UGCG: variants seen among roughly 807,000 people sequenced by gnomAD.
UGCG encodes ceramide glucosyltransferase.
In UGCG, 10 loss-of-function variants were observed where a neutral mutation model predicts 49.5. That is an observed-to-expected ratio of 0.20 (90% confidence interval 0.12 to 0.34). UGCG has a LOEUF of 0.34. UGCG is among the 10% of genes least tolerant of loss of function. The pLI is 1.00. For synonymous variants in UGCG, 182 were observed against 158.2 expected (o/e 1.15, Z -1.13); for missense variants, 312 against 483.7 (o/e 0.65, Z 3.33).
rs1838491972 is a variant in UGCG at position 111,934,905 on chromosome 9, A to T, written c.*1908A>T. The T allele has an allele frequency of 6.6e-6, 1 of 152,168 alleles. No homozygotes were observed. 9.4% of individuals were successfully genotyped at this position (152,168 alleles called of 1,614,324 possible). A position where few individuals can be genotyped will look rare whatever the true frequency, so the allele number is the denominator to read the frequency against. ...TTTTGTTTTTAATCACTATTACCTG[A>T]GTTGAACTTTGCTCACCATGTTTGT... On this transcript the variant is annotated 3_prime_UTR_variant, in exon 9 of 9. Coordinates refer to ENST00000374279, the MANE Select transcript of UGCG (RefSeq NM_003358.3).
At chr9:111,921,513 C>T (rs973758575) in intron 2 of UGCG, among the ~76,000 whole-genome samples, 7 of 151,916 alleles carry the variant, frequency 4.6e-5, no homozygotes, top group African/African-American at 1.7e-4. Flanking sequence ...GACATGGTGG[C>T]GGGCATCTGT....
In UGCG at chr9:111,934,791, G is replaced by C. The variant is rs1231291334; in HGVS notation, c.*1794G>C. On this transcript the variant is annotated 3_prime_UTR_variant, in exon 9 of 9. Coordinates refer to ENST00000374279, the MANE Select transcript of UGCG (RefSeq NM_003358.3). The stretch of plus-strand genomic sequence containing the variant: ...CATTTTCTTTATGAACAAAGGCTTG[G>C]ATGCATATTCCTTTCTTTCTGTGAA... The C allele has an allele frequency of 3.3e-5, 5 of 151,044 alleles. No homozygotes were observed. The allele number at this position is 151,044 out of a possible 1,614,324, so 9.4% of individuals were successfully genotyped here. A position where few individuals can be genotyped will look rare whatever the true frequency, so the allele number is the denominator to read the frequency against.
Position 111,926,367 on chromosome 9 carries a change from T to C in UGCG, c.446-17T>C. 4 of 1,546,612 alleles carry C rather than the reference T, an allele frequency of 2.6e-6. No homozygotes were observed. Among genetic ancestry groups the C allele is most frequent in the Non-Finnish European group, 3.5e-6 (4 of 1,137,050 alleles). The stretch of plus-strand genomic sequence containing the variant: ...ATTTTCTTTTCTCCCCCTCTCTGCC[T>C]TTTTTTTAAATTGTAGTAATTCCAG... On this transcript the variant is annotated splice_polypyrimidine_tract_variant and intron_variant, in intron 4 of 8. Coordinates refer to ENST00000374279, the MANE Select transcript of UGCG (RefSeq NM_003358.3).
intron 1 of UGCG, among the ~76,000 whole-genome samples, chr9:111,906,006 C>G (rs868162818): frequency 1.3e-5 from 2 of 152,124 alleles, no homozygotes; most frequent in South Asian, 2.1e-4. Flanking sequence ...AATTTATATT[C>G]TACTGTAGTG....
In UGCG at chr9:111,934,654, T is replaced by C. The variant is rs1246792075; in HGVS notation, c.*1657T>C. 1 of 152,190 alleles carries C rather than the reference T, an allele frequency of 6.6e-6. No individual in the cohort carries two copies. Among genetic ancestry groups the C allele is most frequent in the Non-Finnish European group, 1.5e-5 (1 of 68,028 alleles). 9.4% of individuals were successfully genotyped at this position (152,190 alleles called of 1,614,324 possible). A position where few individuals can be genotyped will look rare whatever the true frequency, so the allele number is the denominator to read the frequency against. The stretch of plus-strand genomic sequence containing the variant: ...TATCCATGGTTTAAATGGCAACATA[T>C]CTATAAGTATGTATACACATTATAT... On this transcript the variant is annotated 3_prime_UTR_variant, in exon 9 of 9. Transcript: ENST00000374279.
chr9:111,934,690 C>T lies in UGCG; in HGVS notation c.*1693C>T, dbSNP rs1838485722. On this transcript the variant is annotated 3_prime_UTR_variant, in exon 9 of 9. Coordinates refer to ENST00000374279, the MANE Select transcript of UGCG (RefSeq NM_003358.3). ...GTATACACATTATATTTAAGCTTTTCTCTGGGCCAAACTGCTTCATCCTTT... is the reference window on the plus strand; with the variant it reads ...GTATACACATTATATTTAAGCTTTTTTCTGGGCCAAACTGCTTCATCCTTT... 1 of 150,520 alleles carries T rather than the reference C, an allele frequency of 6.6e-6. No homozygotes were observed. The highest frequency in any genetic ancestry group is 1.5e-5 in the Non-Finnish European group (1 of 67,792). The allele number at this position is 150,520 out of a possible 1,614,324, so 9.3% of individuals were successfully genotyped here.
At chr9:111,897,373 G>C (rs1202443884) in intron 1 of UGCG, 60 bp downstream of exon 1, 2 of 1,402,144 alleles carry the variant, frequency 1.4e-6, no homozygotes, top group Non-Finnish European at 2.0e-6. Flanking sequence ...AGACAGGCGA[G>C]AATGGGAAAC....
At chr9:111,904,839 G>A (rs1455526051) in intron 1 of UGCG, among the ~76,000 whole-genome samples, 1 of 152,122 alleles carries the variant, frequency 6.6e-6, no homozygotes, top group Admixed American at 6.5e-5. Flanking sequence ...TCCAGCCTGG[G>A]CAACAAGAGC....
intron 1 of UGCG, among the ~76,000 whole-genome samples, chr9:111,905,302 T>A (rs1837860211): frequency 6.6e-6 from 1 of 152,222 alleles, no homozygotes; most frequent in Non-Finnish European, 1.5e-5. Flanking sequence ...TTACCATTCT[T>A]ACCTTGGTCT....
intron 2 of UGCG, among the ~76,000 whole-genome samples, chr9:111,916,764 C>G (rs1838119191): frequency 6.6e-6 from 1 of 151,652 alleles, no homozygotes; most frequent in South Asian, 2.1e-4. Flanking sequence ...CCATGCCCTA[C>G]TGAAAGAATT....
Position 111,900,269 on chromosome 9 carries a change from G to T in UGCG, c.98+2956G>T, listed in dbSNP as rs550912179. On this transcript the variant is annotated intron_variant, in intron 1 of 8. Coordinates refer to ENST00000374279, the MANE Select transcript of UGCG (RefSeq NM_003358.3). ...GCTGCGTGATGAAGTGATCTAAGCAGAAACCTTGCTTCATGCTCTCTTCCC... is the reference window on the plus strand; with the variant it reads ...GCTGCGTGATGAAGTGATCTAAGCATAAACCTTGCTTCATGCTCTCTTCCC... Among the ~76,000 whole-genome samples the T allele has an allele frequency of 3.5e-4, 53 of 152,214 alleles. 2 individuals carry two copies. The highest frequency in any genetic ancestry group is 2.1e-3 in the South Asian group (10 of 4,820).
At chr9:111,900,278 C>T (rs1837742351) in intron 1 of UGCG, among the ~76,000 whole-genome samples, 1 of 152,016 alleles carries the variant, frequency 6.6e-6, no homozygotes, top group African/African-American at 2.4e-5. Context: ...AGAAACCTTG[C>T]TTCATGCTCT....
intron 1 of UGCG, among the ~76,000 whole-genome samples, chr9:111,910,396 C>T (rs904664640): frequency 2.0e-5 from 3 of 152,250 alleles, no homozygotes; most frequent in African/African-American, 7.2e-5. Context: ...GATTTTAGAC[C>T]TTCTTATTCT....
rs888011178 is a variant in UGCG at position 111,897,113 on chromosome 9, C to T, written c.-103C>T. The T allele has an allele frequency of 3.3e-5, 29 of 887,934 alleles. No individual in the cohort carries two copies. Among genetic ancestry groups the T allele is most frequent in the Non-Finnish European group, 4.3e-5 (26 of 606,904 alleles). The allele number at this position is 887,934 out of a possible 1,614,324, so 55.0% of individuals were successfully genotyped here. ...CTTTCCTCTCCCCACCTTCCTCTCG[C>T]CTCCCGCGCCCCCGCACCGGGCGCC... On this transcript the variant is annotated 5_prime_UTR_variant, in exon 1 of 9. Coordinates refer to ENST00000374279, the MANE Select transcript of UGCG (RefSeq NM_003358.3).
intron 2 of UGCG, among the ~76,000 whole-genome samples, chr9:111,919,689 G>A (rs1838182991): frequency 6.6e-6 from 1 of 150,422 alleles, no homozygotes; most frequent in South Asian, 2.1e-4. Flanking sequence ...CAGCTACTCG[G>A]GAGGCTGAGG....
Position 111,921,661 on chromosome 9 carries a change from AAAG to A in UGCG, c.241-1187_241-1185del, listed in dbSNP as rs1377936599. Among the ~76,000 whole-genome samples the A allele has an allele frequency of 2.3e-4, 35 of 151,484 alleles. 1 individual carries two copies. Among genetic ancestry groups the A allele is most frequent in the African/African-American group, 8.0e-4 (33 of 41,188 alleles). On this transcript the variant is annotated intron_variant, in intron 2 of 8. Transcript: ENST00000374279. ...GAGACTCTGTCTCAAAAAAAAAAAA[AAAG>A]TTGGGTTGTTAATGGAAATTTAGGG...
At chr9:111,909,630 A>G (rs1837958880) in intron 1 of UGCG, among the ~76,000 whole-genome samples, 1 of 152,230 alleles carries the variant, frequency 6.6e-6, no homozygotes, top group African/African-American at 2.4e-5. Flanking sequence ...ACTAGTGTAC[A>G]TTCGGGGCTG....
intron 3 of UGCG, among the ~76,000 whole-genome samples, chr9:111,923,548 A>C (rs1244561191): frequency 6.6e-6 from 1 of 152,192 alleles, no homozygotes; most frequent in Non-Finnish European, 1.5e-5. Flanking sequence ...ACCATTACAA[A>C]TCTATCAGCT....
chr9:111,929,478 A>G (rs1235548495), intron 5 of UGCG, 22 bp from the exon 6 acceptor site: 3 of 1,594,846 alleles, frequency 1.9e-6, no homozygotes, highest in Non-Finnish European at 8.5e-7. Flanking sequence ...CTAATCATAC[A>G]CGTTTGTGGT....
Sources: gnomAD v4.1 joint callset for allele counts (sites outside exome capture counted in the v4.1 genomes callset) on GRCh38, gnomAD v4.1.1 for gene constraint, MANE v1.5 for transcripts, NCBI Gene and HGNC (gene_info 2026-07-23, HGNC 2026-07-21) for gene names.